CERS6: variants seen among roughly 807,000 people sequenced by gnomAD.
CERS6 encodes the protein LAG1 homolog, ceramide synthase 6.
CERS6 carries 26 observed loss-of-function variants against 56.8 expected under a neutral mutation model. The observed-to-expected ratio is 0.46, with a 90% CI of 0.34 to 0.63. The LOEUF is 0.63. Among genes scored for constraint, CERS6 ranks in the 30% least tolerant of loss-of-function variants. CERS6 has a pLI of 0.01. For missense variants in CERS6, 415 were observed against 467.5 expected (o/e 0.89, Z 1.04); for synonymous variants, 164 against 173.3 (o/e 0.95, Z 0.42).
intron 3 of CERS6, among the ~76,000 whole-genome samples, chr2:168,598,611 A>C (rs1683859487): frequency 6.6e-6 from 1 of 152,210 alleles, no homozygotes; most frequent in African/African-American, 2.4e-5. Context: ...ATGCCATCAT[A>C]TCTAATAAAA....
At chr2:168,667,582 A>C (rs1481979469) in intron 4 of CERS6, among the ~76,000 whole-genome samples, 1 of 151,616 alleles carries the variant, frequency 6.6e-6, no homozygotes, top group African/African-American at 2.4e-5. Context: ...CTTTTTTTCT[A>C]TCTTTTTTTT....
chr2:168,763,440 T>G (rs1388650567), intron 8 of CERS6, among the ~76,000 whole-genome samples: 2 of 151,780 alleles, frequency 1.3e-5, no homozygotes, highest in Non-Finnish European at 2.9e-5. Context: ...TTTTGTATTT[T>G]TAGTAGAGAC....
intron 8 of CERS6, among the ~76,000 whole-genome samples, chr2:168,744,256 C>T (rs928236003): frequency 1.9e-4 from 29 of 152,058 alleles, no homozygotes; most frequent in Admixed American, 1.2e-3. Flanking sequence ...CCGCCCACCT[C>T]GGCCTCCCAA....
intron 3 of CERS6, chr2:168,583,041 T>C (rs113500467): frequency 0.023 from 3,535 of 152,966 alleles, 122 homozygotes; most frequent in African/African-American, 0.078. Flanking sequence ...AGTTACAAAA[T>C]AATGCATAGA....
chr2:168,571,555 A>G (rs748933206), intron 3 of CERS6, among the ~76,000 whole-genome samples: 1 of 152,142 alleles, frequency 6.6e-6, no homozygotes, highest in African/African-American at 2.4e-5. Context: ...TATTGAAAGT[A>G]GGTTTGTGAG....
At chr2:168,490,063 C>G (rs1463317861) in intron 1 of CERS6, among the ~76,000 whole-genome samples, 1 of 152,152 alleles carries the variant, frequency 6.6e-6, no homozygotes, top group Non-Finnish European at 1.5e-5. Context: ...AATCTCAGTT[C>G]AGGTTTCAAA....
intron 2 of CERS6, among the ~76,000 whole-genome samples, chr2:168,552,134 A>T (rs1695583630): frequency 6.6e-6 from 1 of 152,140 alleles, no homozygotes; most frequent in Non-Finnish European, 1.5e-5. Flanking sequence ...TCTCCTCAAT[A>T]ATCTATTTCC....
chr2:168,484,073 G>A (rs1452230177), intron 1 of CERS6, among the ~76,000 whole-genome samples: 6 of 150,828 alleles, frequency 4.0e-5, no homozygotes, highest in Non-Finnish European at 7.4e-5. Context: ...CTTATTAAAA[G>A]CACAATCAAG....
chr2:168,613,681 G>C (rs927557073), intron 3 of CERS6, among the ~76,000 whole-genome samples: 1 of 152,156 alleles, frequency 6.6e-6, no homozygotes, highest in Non-Finnish European at 1.5e-5. Flanking sequence ...AGTGTTTCCT[G>C]CTTGGCAACC....
At position 168,754,080 on chromosome 2, in the gene CERS6, G is replaced by A. The variant is rs1001770222; in HGVS notation, c.846-11512G>A. 5.3e-5 allele frequency among the ~76,000 whole-genome samples: 8 copies of A among 152,096 alleles called. 1 individual carries two copies. Among genetic ancestry groups the A allele is most frequent in the Admixed American group, 3.9e-4 (6 of 15,266 alleles). On this transcript the variant is annotated intron_variant, in intron 8 of 9. Coordinates refer to ENST00000305747, the MANE Select transcript of CERS6 (RefSeq NM_203463.3). Reference sequence around the variant, plus strand: ...CAGACAGCATGAGGGAAGTCAGGGCGGTGAGAAGCCAGGCATCAAATACCA... The same window carrying A: ...CAGACAGCATGAGGGAAGTCAGGGCAGTGAGAAGCCAGGCATCAAATACCA...
intron 8 of CERS6, among the ~76,000 whole-genome samples, chr2:168,742,579 G>A (rs1683946623): frequency 6.6e-6 from 1 of 152,170 alleles, no homozygotes; most frequent in Admixed American, 6.5e-5. Flanking sequence ...TTGCACTTAT[G>A]CTTTAAAGTG....
chr2:168,573,711 T>C (rs1683175112), intron 3 of CERS6, among the ~76,000 whole-genome samples: 1 of 152,094 alleles, frequency 6.6e-6, no homozygotes, highest in African/African-American at 2.4e-5. Flanking sequence ...AGATCTGTCA[T>C]GGAACCTTCT....
intron 1 of CERS6, among the ~76,000 whole-genome samples, chr2:168,477,183 GA>G (rs1694089947): frequency 8.2e-6 from 1 of 122,430 alleles, no homozygotes; most frequent in Non-Finnish European, 1.8e-5. Flanking sequence ...CAGAGAGAGA[GA>G]GAGAGAGAGA....
intron 8 of CERS6, among the ~76,000 whole-genome samples, chr2:168,734,646 C>A (rs1683659194): frequency 6.6e-6 from 1 of 152,214 alleles, no homozygotes; most frequent in Non-Finnish European, 1.5e-5. Flanking sequence ...TGGGAACATA[C>A]ATGGCTTTGT....
At position 168,772,192 on chromosome 2, in the gene CERS6, G is replaced by A. The variant is rs907041313; in HGVS notation, c.*2530G>A. The stretch of plus-strand genomic sequence containing the variant: ...TCAACTATAGGTTAGTCAGAATGCT[G>A]TTTTTCGTTAATTAACTTAGCCTGT... On this transcript the variant is annotated 3_prime_UTR_variant, in exon 10 of 10. Transcript: ENST00000305747. 1 of 152,168 alleles carries A rather than the reference G, an allele frequency of 6.6e-6. No homozygotes were observed. The highest frequency in any genetic ancestry group is 1.5e-5 in the Non-Finnish European group (1 of 68,026). 9.4% of individuals were successfully genotyped at this position (152,168 alleles called of 1,614,324 possible). A position where few individuals can be genotyped will look rare whatever the true frequency, so the allele number is the denominator to read the frequency against.
At chr2:168,533,821 T>G (rs936669947) in intron 1 of CERS6, among the ~76,000 whole-genome samples, 1 of 152,138 alleles carries the variant, frequency 6.6e-6, no homozygotes, top group Non-Finnish European at 1.5e-5. Context: ...CCAGCTTGTT[T>G]CCATTCTCCC....
intron 3 of CERS6, among the ~76,000 whole-genome samples, chr2:168,568,232 G>C (rs540425239): frequency 6.6e-6 from 1 of 152,132 alleles, no homozygotes; most frequent in South Asian, 2.1e-4. Flanking sequence ...ATTTCTAAAG[G>C]CTTTTTAAAT....
At chr2:168,731,651 C>T (rs1016795874) in intron 8 of CERS6, among the ~76,000 whole-genome samples, 28 of 151,990 alleles carry the variant, frequency 1.8e-4, no homozygotes, top group African/African-American at 6.5e-4. Context: ...TTATCTTGCC[C>T]CTTCCATGCA....
chr2:168,769,115 A>T (rs940224760), intron 9 of CERS6, among the ~76,000 whole-genome samples: 2 of 151,912 alleles, frequency 1.3e-5, no homozygotes, highest in African/African-American at 4.8e-5. Flanking sequence ...TTGAGAGCTG[A>T]TTTTAAATTA....
Sources: gnomAD v4.1 joint callset for allele counts (sites outside exome capture counted in the v4.1 genomes callset) on GRCh38, gnomAD v4.1.1 for gene constraint, MANE v1.5 for transcripts, NCBI Gene and HGNC (gene_info 2026-07-23, HGNC 2026-07-21) for gene names.